Variants in NRP1 observed in about 807,000 individuals in gnomAD.
The protein encoded by NRP1 is neuropilin-1.
In NRP1, 35 loss-of-function variants were observed where a neutral mutation model predicts 106.7. The observed-to-expected ratio is 0.33, with a 90% CI of 0.25 to 0.43. The LOEUF (loss-of-function observed/expected upper bound fraction) is 0.43, where lower values mean the gene tolerates loss of function less well. Among genes scored for constraint, NRP1 ranks in the 20% least tolerant of loss-of-function variants. The probability of loss-of-function intolerance (pLI) is 1.00; values close to 1 mark genes in which losing one functional copy is unlikely to be tolerated. For synonymous variants in NRP1, 437 were observed against 417.9 expected, an observed-to-expected ratio of 1.05 and a Z score of -0.56; for missense variants, 1,024 against 1,170.4, an observed-to-expected ratio of 0.87 and a Z score of 1.83.
chr10:33,279,011 A>G lies in NRP1; in HGVS notation c.249-8155T>C, dbSNP rs535100983. Among the ~76,000 whole-genome samples, 9 of 152,354 alleles carry G rather than the reference A, an allele frequency of 5.9e-5. 1 individual carries two copies. The highest frequency in any genetic ancestry group is 2.9e-5 in the Non-Finnish European group (2 of 68,034). ...TTGTAAGAAACATTAAAAGAGATCC[A>G]AAATGGCTTTCACTGTAGTAATGCA... On this transcript the variant is annotated intron_variant, in intron 2 of 16. Coordinates refer to ENST00000374867, the MANE Select transcript of NRP1 (RefSeq NM_003873.7).
At chr10:33,283,174 T>C (rs756992395) in intron 2 of NRP1, among the ~76,000 whole-genome samples, 3 of 152,232 alleles carry the variant, frequency 2.0e-5, no homozygotes, top group African/African-American at 4.8e-5. Flanking sequence ...CTTTTAGAGA[T>C]GTACCTAATA....
intron 6 of NRP1, among the ~76,000 whole-genome samples, chr10:33,237,926 A>C (rs1359739367): frequency 1.3e-5 from 2 of 151,940 alleles, no homozygotes; most frequent in Non-Finnish European, 2.9e-5. Flanking sequence ...GTCCTCTCCC[A>C]CTGCAAACAC....
chr10:33,327,968 A>C (rs1475950837), intron 2 of NRP1, among the ~76,000 whole-genome samples: 1 of 152,194 alleles, frequency 6.6e-6, no homozygotes, highest in Non-Finnish European at 1.5e-5. Context: ...ATCAGGCTAA[A>C]TATAACAGCC....
At chr10:33,209,005 C>T (rs754053716) in intron 9 of NRP1, among the ~76,000 whole-genome samples, 2 of 145,590 alleles carry the variant, frequency 1.4e-5, no homozygotes, top group Non-Finnish European at 3.0e-5. Flanking sequence ...CTCTTGGGCT[C>T]AAGTGATTCT....
In NRP1 at chr10:33,202,878, A is replaced by G; in HGVS notation, c.1864+13T>C. ...GAAATGGTACAGCAATGGGATGAAG[A>G]TGGTTTCTGCACCTGTGAGCTGGAA... On this transcript the variant is annotated intron_variant, in intron 11 of 16. Coordinates refer to ENST00000374867, the MANE Select transcript of NRP1 (RefSeq NM_003873.7). 1 of 1,614,206 alleles carries G rather than the reference A, an allele frequency of 6.2e-7. No homozygotes were observed. Among genetic ancestry groups the G allele is most frequent in the Non-Finnish European group, 8.5e-7 (1 of 1,180,032 alleles).
intron 6 of NRP1, among the ~76,000 whole-genome samples, chr10:33,233,174 TTG>T (rs1291944852): frequency 6.6e-6 from 1 of 152,008 alleles, no homozygotes; most frequent in Non-Finnish European, 1.5e-5. Context: ...GTGGGGAAAA[TTG>T]TGTGAGTAGA....
intron 2 of NRP1, among the ~76,000 whole-genome samples, chr10:33,306,384 G>GTGTA (rs1333396690): frequency 4.6e-5 from 7 of 151,478 alleles, no homozygotes; most frequent in African/African-American, 7.3e-5. Flanking sequence ...GTGTGTGTGT[G>GTGTA]TGCACGCTCC....
rs1848488966 is a variant in NRP1 at position 33,334,355 on chromosome 10, C to A, written c.28G>T (p.Ala10Ser). 1 of 1,546,580 alleles carries A rather than the reference C, an allele frequency of 6.5e-7. No individual in the cohort carries two copies. The highest frequency in any genetic ancestry group is 1.9e-5 in the Admixed American group (1 of 51,336). MERGLPLLC[A>S]VLALVLAPAG... ...GGGGCGAGGACGAGGGCGAGCACGG[C>A]GCAGAGGAGCGGCAGCCCCCTCTCC... The change falls in exon 1 of 17, where the codon GCC becomes TCC. Residue 10 changes from alanine (A) to serine (S), a missense_variant. By Grantham distance (99) the Ala-to-Ser change is moderately conservative (BLOSUM62 1). Around this residue, in one of 5 missense-constraint regions of NRP1, gnomAD observed 279 missense variants for 327.4 expected, o/e 0.85. Coordinates refer to ENST00000374867, the MANE Select transcript of NRP1 (RefSeq NM_003873.7).
intron 6 of NRP1, among the ~76,000 whole-genome samples, chr10:33,249,205 G>A (rs540000223): frequency 6.1e-5 from 9 of 147,166 alleles, no homozygotes; most frequent in Admixed American, 2.8e-4. Flanking sequence ...TCTGTTTACA[G>A]TGTGGTGAAC....
At chr10:33,216,399 G>T (rs1174934237) in intron 8 of NRP1, among the ~76,000 whole-genome samples, 1 of 151,918 alleles carries the variant, frequency 6.6e-6, no homozygotes, top group Non-Finnish European at 1.5e-5. Context: ...CTCCCAAAGT[G>T]CTGGGATTAC....
In NRP1 at chr10:33,302,894, G is replaced by A. The variant is rs1845904179; in HGVS notation, c.248+27814C>T. Among the ~76,000 whole-genome samples, 4 of 152,290 alleles carry A rather than the reference G, an allele frequency of 2.6e-5. No homozygotes were observed. In the South Asian group the frequency reaches 8.3e-4, roughly 32 times the overall value. On this transcript the variant is annotated intron_variant, in intron 2 of 16. Coordinates refer to ENST00000374867, the MANE Select transcript of NRP1 (RefSeq NM_003873.7). ...CCTGTTTTTGAGAAATGGGAGGATA[G>A]TCAATGACTTCCTAGTTGGAGACAT...
At chr10:33,246,169 C>T (rs1195584832) in intron 6 of NRP1, among the ~76,000 whole-genome samples, 8 of 146,848 alleles carry the variant, frequency 5.4e-5, no homozygotes, top group Non-Finnish European at 8.9e-5. Flanking sequence ...ACAAAACAAT[C>T]AGTTAAAAAT....
chr10:33,310,498 G>C (rs1475542063), intron 2 of NRP1, among the ~76,000 whole-genome samples: 1 of 151,896 alleles, frequency 6.6e-6, no homozygotes, highest in East Asian at 1.9e-4. Flanking sequence ...TGATTCACTC[G>C]ACTTGGCCTC....
At chr10:33,230,038 C>A (rs953777813) in intron 6 of NRP1, among the ~76,000 whole-genome samples, 3 of 152,148 alleles carry the variant, frequency 2.0e-5, no homozygotes, top group African/African-American at 7.2e-5. Flanking sequence ...TGAACCACTG[C>A]AACTAAAACC....
chr10:33,237,293 G>A (rs1342411343), intron 6 of NRP1, among the ~76,000 whole-genome samples: 1 of 152,144 alleles, frequency 6.6e-6, no homozygotes, highest in East Asian at 1.9e-4. Context: ...TGTCAGCCTA[G>A]TGATAAGTGG....
At chr10:33,302,843 G>A (rs773792602) in intron 2 of NRP1, among the ~76,000 whole-genome samples, 6 of 152,162 alleles carry the variant, frequency 3.9e-5, no homozygotes, top group Non-Finnish European at 8.8e-5. Flanking sequence ...AAAAAGTTTA[G>A]TTTTATCCCC....
intron 2 of NRP1, among the ~76,000 whole-genome samples, chr10:33,310,260 T>TC (rs1846497317): frequency 6.9e-6 from 1 of 144,076 alleles, no homozygotes; most frequent in South Asian, 2.3e-4. Flanking sequence ...TTTTTTTTTT[T>TC]TTTTTTTCGA....
At chr10:33,188,014 C>T (rs1006217799) in intron 13 of NRP1, among the ~76,000 whole-genome samples, 9 of 152,168 alleles carry the variant, frequency 5.9e-5, no homozygotes, top group African/African-American at 1.9e-4. Context: ...ATGTCCCTCT[C>T]GCTCTCTGAC....
intron 8 of NRP1, among the ~76,000 whole-genome samples, chr10:33,219,708 A>C (rs540938713): frequency 1.3e-5 from 2 of 152,344 alleles, no homozygotes; most frequent in Admixed American, 1.3e-4. Flanking sequence ...CAGTTTAGGT[A>C]TAAAAAAAAT....
Sources: allele counts gnomAD v4.1 joint callset (sites outside exome capture counted in the v4.1 genomes callset), GRCh38; gene constraint gnomAD v4.1.1; regional missense constraint gnomAD v4.1.1; transcripts MANE v1.5; gene names NCBI Gene and HGNC (gene_info 2026-07-23, HGNC 2026-07-21).